Variants in PDE8B observed in about 807,000 individuals in gnomAD.
PDE8B encodes high affinity cAMP-specific and IBMX-insensitive 3',5'-cyclic phosphodiesterase 8B.
PDE8B carries 26 observed loss-of-function variants against 101.3 expected under a neutral mutation model. The observed-to-expected ratio is 0.26, with a 90% CI of 0.19 to 0.36. The LOEUF (loss-of-function observed/expected upper bound fraction) is 0.36, where lower values mean the gene tolerates loss of function less well. Ranked by LOEUF, PDE8B falls within the 10% of genes least tolerant of loss-of-function variation. The pLI is 1.00. For missense variants in PDE8B, 810 were observed against 1,163.1 expected (o/e 0.70, Z 4.42); for synonymous variants, 424 against 429.3 (o/e 0.99, Z 0.15).
chr5:77,405,876 G>T (rs1793327968), intron 12 of PDE8B, among the ~76,000 whole-genome samples: 1 of 152,172 alleles, frequency 6.6e-6, no homozygotes, highest in Non-Finnish European at 1.5e-5. Flanking sequence ...AGGAGGGGAT[G>T]GTTAGTGCCT....
At position 77,211,237 on chromosome 5, in the gene PDE8B, G is replaced by A. The variant is rs1040726687; in HGVS notation, c.312G>A (p.Glu104=). The part of the protein sequence containing the change: ...RRHCCSSAEA[E]TQTCYTSVKQ... Reference sequence around the variant, plus strand: ...ACTGCTGCAGCAGCGCCGAGGCCGAGACTCAGACCTGCTACACCAGCGTGA... The same window carrying A: ...ACTGCTGCAGCAGCGCCGAGGCCGAAACTCAGACCTGCTACACCAGCGTGA... The change falls in exon 1 of 22, where the codon GAG becomes GAA. Residue 104 remains glutamate, a synonymous_variant. Transcript: ENST00000264917. This position sits in a 1 kb window ranked among gnomAD's most constrained non-coding sequence, Gnocchi z 4.1. 6.3e-7 allele frequency: 1 copy of A among 1,576,198 alleles called. No homozygotes were observed. The highest frequency in any genetic ancestry group is 1.4e-5 in the African/African-American group (1 of 74,064).
At chr5:77,190,269 C>T in the PDE8B span, among the ~76,000 whole-genome samples, 1 of 152,204 alleles carries the variant, frequency 6.6e-6, no homozygotes, top group African/African-American at 2.4e-5. Context: ...TCCTTGACTG[C>T]AACAGTTTAA....
chr5:77,152,314 T>G, the PDE8B span, among the ~76,000 whole-genome samples: 1 of 152,190 alleles, frequency 6.6e-6, no homozygotes, highest in South Asian at 2.1e-4. Context: ...GTGCCTGACT[T>G]GAGTTCGCAA....
the PDE8B span, among the ~76,000 whole-genome samples, chr5:77,185,309 A>C: frequency 1.3e-5 from 2 of 152,200 alleles, no homozygotes; most frequent in East Asian, 3.9e-4. Flanking sequence ...TAAAAGCCTC[A>C]GAACTATAAG....
At chr5:77,361,449 G>C (rs531383629) in intron 10 of PDE8B, among the ~76,000 whole-genome samples, 4 of 151,576 alleles carry the variant, frequency 2.6e-5, no homozygotes, top group Non-Finnish European at 5.9e-5. Flanking sequence ...CAACAAAGAA[G>C]TTCCTCACAT....
At chr5:77,092,279 C>T in the PDE8B span, among the ~76,000 whole-genome samples, 2 of 151,912 alleles carry the variant, frequency 1.3e-5, no homozygotes, top group African/African-American at 2.4e-5. Context: ...CTTAAATTTT[C>T]GTGTAATCAG....
intron 5 of PDE8B, among the ~76,000 whole-genome samples, chr5:77,332,696 G>A (rs955972321): frequency 6.6e-5 from 10 of 152,148 alleles, no homozygotes; most frequent in African/African-American, 2.2e-4. Context: ...AATTAGCTGG[G>A]CGTGGTGGCA....
At chr5:77,272,985 C>T (rs1361435076) in intron 1 of PDE8B, among the ~76,000 whole-genome samples, 3 of 152,140 alleles carry the variant, frequency 2.0e-5, no homozygotes, top group African/African-American at 2.4e-5. Context: ...ATTGCTACGA[C>T]GTCAGTTACA....
the PDE8B span, among the ~76,000 whole-genome samples, chr5:77,178,590 G>C: frequency 6.6e-6 from 1 of 152,178 alleles, no homozygotes; most frequent in African/African-American, 2.4e-5. Context: ...GAAGGACAAA[G>C]TATATTCGTT....
intron 1 of PDE8B, among the ~76,000 whole-genome samples, chr5:77,278,824 TACA>T (rs1050855094): frequency 1.3e-4 from 20 of 152,316 alleles, no homozygotes; most frequent in African/African-American, 4.6e-4. Context: ...CTGAAAATAG[TACA>T]ACATCAATTT....
intron 9 of PDE8B, 138 bp from the exon 10 acceptor site, chr5:77,353,208 T>G: frequency 3.0e-6 from 2 of 677,018 alleles, no homozygotes; most frequent in Non-Finnish European, 5.4e-6. Flanking sequence ...TTCTGTAGAT[T>G]GAGTCTTGCT....
intron 2 of PDE8B, among the ~76,000 whole-genome samples, chr5:77,312,383 C>T (rs980336057): frequency 5.3e-5 from 8 of 152,132 alleles, no homozygotes; most frequent in Non-Finnish European, 8.8e-5. Context: ...GGATTACAGG[C>T]GTGAACCACT....
chr5:77,354,586 C>T (rs148952621), intron 10 of PDE8B, among the ~76,000 whole-genome samples: 460 of 152,278 alleles, frequency 3.0e-3, no homozygotes, highest in Non-Finnish European at 4.3e-3. Context: ...GTGTCTCTTT[C>T]GAGACAAACT....
intron 13 of PDE8B, 119 bp from the exon 14 acceptor site, chr5:77,408,774 T>G: frequency 1.2e-6 from 1 of 832,292 alleles, no homozygotes; most frequent in Non-Finnish European, 2.1e-6. Context: ...GTGAAAGCAC[T>G]GGTCATTTTG....
At chr5:77,122,302 G>A in the PDE8B span, among the ~76,000 whole-genome samples, 1 of 152,162 alleles carries the variant, frequency 6.6e-6, no homozygotes, top group African/African-American at 2.4e-5. Context: ...CACACATAAT[G>A]TAACAGCAGC....
At chr5:77,330,942 T>C (rs1315845171) in intron 4 of PDE8B, among the ~76,000 whole-genome samples, 6 of 152,156 alleles carry the variant, frequency 3.9e-5, no homozygotes, top group Admixed American at 1.3e-4. Context: ...TTCTCTCCCA[T>C]TTGGATTGGG....
intron 1 of PDE8B, among the ~76,000 whole-genome samples, chr5:77,263,651 A>G (rs1300121138): frequency 6.6e-6 from 1 of 152,196 alleles, no homozygotes; most frequent in East Asian, 1.9e-4. Flanking sequence ...GGTTATTGCT[A>G]AAGGTTTCCA....
At chr5:77,402,848 T>C (rs1792579433) in intron 11 of PDE8B, among the ~76,000 whole-genome samples, 1 of 152,248 alleles carries the variant, frequency 6.6e-6, no homozygotes, top group African/African-American at 2.4e-5. Flanking sequence ...AATTTGAATC[T>C]TGACGATTTG....
rs1748103275 is a variant in PDE8B at position 77,210,811 on chromosome 5, G to A, written c.-115G>A. On this transcript the variant is annotated 5_prime_UTR_variant, in exon 1 of 22. Coordinates refer to ENST00000264917, the MANE Select transcript of PDE8B (RefSeq NM_003719.5). This position sits in a 1 kb window ranked among gnomAD's most constrained non-coding sequence, Gnocchi z 4.9. The stretch of plus-strand genomic sequence containing the variant: ...ACGGAGCGGCGGACACACAGGCCGG[G>A]GGGCGCGCAGTCCGGGCGCCGCCGC... 5 of 985,118 alleles carry A rather than the reference G, an allele frequency of 5.1e-6. No individual in the cohort carries two copies. In the South Asian group the frequency reaches 1.4e-4, roughly 28 times the overall value. The allele number at this position is 985,118 out of a possible 1,614,324, so 61.0% of individuals were successfully genotyped here.
Sources: gnomAD v4.1 joint callset for allele counts (sites outside exome capture counted in the v4.1 genomes callset) on GRCh38, gnomAD v4.1.1 for gene constraint, Gnocchi (gnomAD v3.1) non-coding constraint, MANE v1.5 for transcripts, NCBI Gene and HGNC (gene_info 2026-07-23, HGNC 2026-07-21) for gene names.